Variants in UHRF2 observed in about 807,000 individuals in gnomAD.
UHRF2 encodes the protein ubiquitin like with PHD and ring finger domains 2.
Under a neutral mutation model 96.8 loss-of-function variants are expected in UHRF2, and 23 were observed. The ratio of observed to expected loss-of-function variants is 0.24; its 90% CI spans 0.17 to 0.34. UHRF2 has a LOEUF of 0.34. Among genes scored for constraint, UHRF2 ranks in the 10% least tolerant of loss-of-function variants. The probability of loss-of-function intolerance (pLI) is 1.00; values close to 1 mark genes in which losing one functional copy is unlikely to be tolerated. For missense variants in UHRF2, 685 were observed against 981.5 expected (o/e 0.70, Z 4.04); for synonymous variants, 385 against 332.6 (o/e 1.16, Z -1.72).
rs771865613 is a variant in UHRF2, at chr9:6,486,889, T to C, written c.1461T>C (p.Tyr487=). ...ATGGTCGAAGTAATGATGGGGCTTA[T>C]TCTCTTGTACTGGCTGGTGGATTTG... ...GIHGRSNDGA[Y]SLVLAGGFAD... The change falls in exon 9 of 16, where the codon TAT becomes TAC. Residue 487 remains tyrosine (Y), a synonymous_variant. Coordinates refer to ENST00000276893, the MANE Select transcript of UHRF2 (RefSeq NM_152896.3). 1.9e-6 allele frequency: 3 copies of C among 1,614,070 alleles called. No individual in the cohort carries two copies. Among genetic ancestry groups the C allele is most frequent in the Non-Finnish European group, 2.5e-6 (3 of 1,180,030 alleles).
intron 4 of UHRF2, among the ~76,000 whole-genome samples, chr9:6,463,662 G>C (rs1353280992): frequency 1.3e-5 from 2 of 151,974 alleles, no homozygotes; most frequent in Non-Finnish European, 2.9e-5. Context: ...GTAGAGACAG[G>C]GTTTCACCTT....
In UHRF2 at chr9:6,434,113, C is replaced by T. The variant is rs2130768689; in HGVS notation, c.584C>T (p.Thr195Met). ...NTNKLDSVPS[T>M]SNSDCVAADE... ...AATAAATTGGACAGTGTACCCTCTA[C>T]GTCTAATTCAGACTGTGTTGCTGCT... Residue 195 changes from threonine (T) to methionine (M), a missense_variant, in exon 3 of 16, where the codon ACG (threonine) becomes ATG (methionine). By Grantham distance (81) the Thr-to-Met change is moderately conservative. Around this residue, in one of 6 missense-constraint regions of UHRF2, gnomAD observed 391 missense variants for 437.0 expected, o/e 0.89. Coordinates refer to ENST00000276893, the MANE Select transcript of UHRF2 (RefSeq NM_152896.3). 1 of 1,614,092 alleles carries T rather than the reference C, an allele frequency of 6.2e-7. No homozygotes were observed. The highest frequency in any genetic ancestry group is 8.5e-7 in the Non-Finnish European group (1 of 1,180,010).
At chr9:6,456,798 C>T (rs1394630866) in intron 3 of UHRF2, among the ~76,000 whole-genome samples, 1 of 152,082 alleles carries the variant, frequency 6.6e-6, no homozygotes, top group African/African-American at 2.4e-5. Flanking sequence ...GAATCCTTTC[C>T]CCATTTCTTG....
chr9:6,423,799 G>A (rs924434551), intron 2 of UHRF2, among the ~76,000 whole-genome samples: 2 of 152,020 alleles, frequency 1.3e-5, no homozygotes, highest in African/African-American at 2.4e-5. Context: ...CAAAAAATTA[G>A]CTGGATGCGA....
chr9:6,504,535 T>A, intron 14 of UHRF2, 58 bp from the exon 15 acceptor site: 1 of 1,170,298 alleles, frequency 8.5e-7, no homozygotes, highest in Non-Finnish European at 1.2e-6. Flanking sequence ...TAGATGAATT[T>A]TATTAGCATA....
At chr9:6,461,784 T>A (rs961922605) in intron 4 of UHRF2, among the ~76,000 whole-genome samples, 1 of 152,210 alleles carries the variant, frequency 6.6e-6, no homozygotes, top group East Asian at 1.9e-4. Flanking sequence ...ACTCTTTTTC[T>A]GTGTCTGCTG....
At chr9:6,478,610 C>T (rs994910697) in intron 6 of UHRF2, among the ~76,000 whole-genome samples, 1 of 152,064 alleles carries the variant, frequency 6.6e-6, no homozygotes, top group Non-Finnish European at 1.5e-5. Context: ...CTTTTAATAC[C>T]ATGTTAAGGA....
intron 1 of UHRF2, among the ~76,000 whole-genome samples, chr9:6,420,034 G>A (rs1018718259): frequency 6.6e-6 from 1 of 150,608 alleles, no homozygotes; most frequent in African/African-American, 2.4e-5. Flanking sequence ...CAGATGTGAG[G>A]CCCGGAGCCC....
intron 2 of UHRF2, among the ~76,000 whole-genome samples, chr9:6,421,393 T>G (rs1819920540): frequency 6.6e-6 from 1 of 152,034 alleles, no homozygotes; most frequent in African/African-American, 2.4e-5. Flanking sequence ...AAGAAGTAGA[T>G]TGATTTAAAA....
chr9:6,479,904 C>G (rs1202989120), intron 6 of UHRF2, among the ~76,000 whole-genome samples: 1 of 152,166 alleles, frequency 6.6e-6, no homozygotes, highest in Non-Finnish European at 1.5e-5. Flanking sequence ...TAACGGATGT[C>G]TAACTAGACT....
At chr9:6,480,472 G>C (rs1308623521) in intron 6 of UHRF2, among the ~76,000 whole-genome samples, 1 of 152,236 alleles carries the variant, frequency 6.6e-6, no homozygotes, top group African/African-American at 2.4e-5. Context: ...GGTATAATTA[G>C]AAGAGTGTTT....
chr9:6,484,785 CTTTTTTTTTTTTT>C (rs34815980), intron 8 of UHRF2: 1 of 66,278 alleles, frequency 1.5e-5, no homozygotes, highest in Non-Finnish European at 2.7e-5. Context: ...TCACTTCTTT[CTTTTTTTTTTTTT>C]TTTTTTTTTT....
In UHRF2 at chr9:6,489,459, A is replaced by G. The variant is rs193175618; in HGVS notation, c.1497+2534A>G. ...GTGCAATTCCTGGGTCATATGTGGC[A>G]GTTGCATGTTTAGTTGTTTAAAGAA... is the stretch of plus-strand genomic sequence containing the variant. On this transcript the variant is annotated intron_variant, in intron 9 of 15. Transcript: ENST00000276893. Among the ~76,000 whole-genome samples, 551 of 152,346 alleles carry G rather than the reference A, an allele frequency of 3.6e-3. 2 individuals carry two copies. The highest frequency in any genetic ancestry group is 0.012 in the African/African-American group (518 of 41,578).
intron 6 of UHRF2, among the ~76,000 whole-genome samples, chr9:6,479,669 A>G (rs777499273): frequency 2.0e-5 from 3 of 152,204 alleles, no homozygotes; most frequent in Non-Finnish European, 2.9e-5. Context: ...ATTAGTCCAG[A>G]TGGAGTTCTT....
chr9:6,490,930 T>C lies in UHRF2; in HGVS notation c.1498-2896T>C, dbSNP rs376979824. On this transcript the variant is annotated intron_variant, in intron 9 of 15. Coordinates refer to ENST00000276893, the MANE Select transcript of UHRF2 (RefSeq NM_152896.3). The stretch of plus-strand genomic sequence containing the variant: ...TCTATAGGATTAGGAAAAGGAAACC[T>C]GAATAAGCTTTTCACATTTAAGAAA... Among the ~76,000 whole-genome samples the C allele has an allele frequency of 7.9e-5, 12 of 152,224 alleles. 1 individual carries two copies. The East Asian group carries it at 1.3e-3, about 17-fold the overall frequency.
chr9:6,469,676 G>A (rs1187111069), intron 4 of UHRF2, among the ~76,000 whole-genome samples: 4 of 93,432 alleles, frequency 4.3e-5, no homozygotes, highest in African/African-American at 1.5e-4. Context: ...GTGTGTGTGT[G>A]TATGTATATA....
intron 8 of UHRF2, among the ~76,000 whole-genome samples, chr9:6,486,160 G>A (rs557274156): frequency 6.6e-6 from 1 of 152,264 alleles, no homozygotes; most frequent in Non-Finnish European, 1.5e-5. Flanking sequence ...AAAGTCAAAA[G>A]CAGAATTATT....
Position 6,493,938 on chromosome 9 carries a change from A to G in UHRF2, c.1604+6A>G, listed in dbSNP as rs370426712. The G allele has an allele frequency of 2.6e-4, 422 of 1,609,962 alleles. No individual in the cohort carries two copies. Among genetic ancestry groups the G allele is most frequent in the Non-Finnish European group, 3.4e-4 (403 of 1,177,252 alleles). On this transcript the variant is annotated splice_donor_region_variant and intron_variant, in intron 10 of 15. Coordinates refer to ENST00000276893, the MANE Select transcript of UHRF2 (RefSeq NM_152896.3). The stretch of plus-strand genomic sequence containing the variant: ...ACATTAACAAACATGAACAGGTACT[A>G]CTATAGACACTGTTTAGAATTTGAA...
rs1226130524 is a variant in UHRF2 at position 6,506,696 on chromosome 9, A to T, written c.*517A>T. The T allele has an allele frequency of 6.6e-6, 1 of 152,526 alleles. No homozygotes were observed. The highest frequency in any genetic ancestry group is 2.4e-5 in the African/African-American group (1 of 41,366). 9.4% of individuals were successfully genotyped at this position (152,526 alleles called of 1,614,324 possible). A position where few individuals can be genotyped will look rare whatever the true frequency, so the allele number is the denominator to read the frequency against. ...ATGTGTGTTTTGCAAGGACAGGTTC[A>T]TTTTTTTTAGCCCACTTTGTGAACT... On this transcript the variant is annotated 3_prime_UTR_variant, in exon 16 of 16. Transcript: ENST00000276893.
Sources: allele counts gnomAD v4.1 joint callset (sites outside exome capture counted in the v4.1 genomes callset), GRCh38; gene constraint gnomAD v4.1.1; regional missense constraint gnomAD v4.1.1; transcripts MANE v1.5; gene names NCBI Gene and HGNC (gene_info 2026-07-23, HGNC 2026-07-21).